The following PTPRZ1 variants were observed in gnomAD, a reference collection of about 807,000 sequenced individuals.
PTPRZ1 encodes the protein protein tyrosine phosphatase receptor type Z1.
PTPRZ1 carries 82 observed loss-of-function variants against 214.1 expected under a neutral mutation model. That is an observed-to-expected ratio of 0.38 (90% confidence interval 0.32 to 0.46). The LOEUF (loss-of-function observed/expected upper bound fraction) is 0.46, where lower values mean the gene tolerates loss of function less well. Ranked by LOEUF, PTPRZ1 falls within the 20% of genes least tolerant of loss-of-function variation. PTPRZ1 has a pLI of 1.00. For synonymous variants in PTPRZ1, 945 were observed against 987.9 expected (o/e 0.96, Z 0.81); for missense variants, 2,603 against 2,748.7 (o/e 0.95, Z 1.19).
intron 2 of PTPRZ1, among the ~76,000 whole-genome samples, chr7:121,929,695 C>A (rs1373510131): frequency 6.6e-6 from 1 of 151,720 alleles, no homozygotes; most frequent in African/African-American, 2.4e-5. Context: ...CTAATCCCAG[C>A]TACTTAGGAG....
intron 3 of PTPRZ1, among the ~76,000 whole-genome samples, chr7:121,969,802 T>G (rs1797174482): frequency 6.6e-6 from 1 of 151,738 alleles, no homozygotes; most frequent in Admixed American, 6.6e-5. Flanking sequence ...ATTCTTTTTA[T>G]ATATATATTT....
At chr7:121,876,483 A>C (rs890914991) in intron 1 of PTPRZ1, among the ~76,000 whole-genome samples, 1 of 152,194 alleles carries the variant, frequency 6.6e-6, no homozygotes, top group African/African-American at 2.4e-5. Context: ...TTTAAGAGCC[A>C]CATTAACAAT....
At chr7:121,961,611 G>A (rs374348140) in intron 2 of PTPRZ1, among the ~76,000 whole-genome samples, 1 of 152,144 alleles carries the variant, frequency 6.6e-6, no homozygotes, top group Admixed American at 6.5e-5. Flanking sequence ...TATCCCCTGC[G>A]GAGCCTAGAA....
chr7:121,888,805 CAG>C (rs1237231453), intron 1 of PTPRZ1, among the ~76,000 whole-genome samples: 7 of 152,040 alleles, frequency 4.6e-5, no homozygotes, highest in Non-Finnish European at 2.9e-5. Context: ...CACTAAAAAA[CAG>C]ACTACTTGTT....
At chr7:121,885,424 A>G (rs754428247) in intron 1 of PTPRZ1, among the ~76,000 whole-genome samples, 21 of 152,308 alleles carry the variant, frequency 1.4e-4, no homozygotes, top group Non-Finnish European at 2.2e-4. Context: ...TGAAAGAAGC[A>G]TAAAGCGTGA....
intron 12 of PTPRZ1, among the ~76,000 whole-genome samples, chr7:122,018,682 A>G (rs1222471832): frequency 1.3e-5 from 2 of 152,192 alleles, no homozygotes; most frequent in Non-Finnish European, 2.9e-5. Flanking sequence ...ATTGCTTCTA[A>G]CTATTTACCT....
chr7:121,995,292 C>T (rs1442209179), intron 8 of PTPRZ1, among the ~76,000 whole-genome samples: 1 of 152,136 alleles, frequency 6.6e-6, no homozygotes, highest in Admixed American at 6.5e-5. Context: ...ACTGCATGCT[C>T]TCATTGAGTG....
chr7:121,882,596 T>C (rs1022815308), intron 1 of PTPRZ1, among the ~76,000 whole-genome samples: 2 of 152,186 alleles, frequency 1.3e-5, no homozygotes, highest in African/African-American at 4.8e-5. Context: ...AGTTTTGTGT[T>C]TGAAATCTAC....
chr7:121,883,988 T>C (rs1040322049), intron 1 of PTPRZ1, among the ~76,000 whole-genome samples: 7 of 152,306 alleles, frequency 4.6e-5, no homozygotes, highest in African/African-American at 1.7e-4. Context: ...TTAAGATACA[T>C]TAAGATACAT....
At chr7:121,876,817 A>G (rs530437338) in intron 1 of PTPRZ1, among the ~76,000 whole-genome samples, 84 of 152,292 alleles carry the variant, frequency 5.5e-4, no homozygotes, top group African/African-American at 1.9e-3. Context: ...TCATGTCTGC[A>G]CTAGAGATTC....
chr7:122,003,174 T>G (rs1270914645), intron 10 of PTPRZ1, among the ~76,000 whole-genome samples: 1 of 152,130 alleles, frequency 6.6e-6, no homozygotes, highest in East Asian at 1.9e-4. Context: ...GAGGAAAGGA[T>G]TTCATAGGAA....
chr7:121,965,110 G>A (rs1432977428), intron 2 of PTPRZ1, among the ~76,000 whole-genome samples: 1 of 152,150 alleles, frequency 6.6e-6, no homozygotes, highest in Admixed American at 6.5e-5. Context: ...TTCTTTTGCT[G>A]CATAACAAAT....
Position 121,983,955 on chromosome 7 carries a change from T to C in PTPRZ1, c.778-12T>C, listed in dbSNP as rs752995071. ...GAAGCAGATATGTTAAATTATTTGA[T>C]CTTTTTTTCAGTTGGCTGTTTTTTG... On this transcript the variant is annotated splice_polypyrimidine_tract_variant and intron_variant, in intron 7 of 29. Coordinates refer to ENST00000393386, the MANE Select transcript of PTPRZ1 (RefSeq NM_002851.3). 7 of 1,609,378 alleles carry C rather than the reference T, an allele frequency of 4.3e-6. No individual in the cohort carries two copies. The East Asian group carries it at 1.6e-4, about 36-fold the overall frequency.
chr7:122,041,006 C>A (rs2150478986), intron 21 of PTPRZ1, 27 bp downstream of exon 21: 1 of 1,442,982 alleles, frequency 6.9e-7, no homozygotes, highest in South Asian at 1.6e-5. Flanking sequence ...TGCCTCTAAA[C>A]CCATAGAATT....
intron 1 of PTPRZ1, among the ~76,000 whole-genome samples, chr7:121,905,345 A>G (rs1795084116): frequency 6.6e-6 from 1 of 152,092 alleles, no homozygotes; most frequent in African/African-American, 2.4e-5. Context: ...ACCTCTCCCT[A>G]GGCCTTATGA....
intron 1 of PTPRZ1, among the ~76,000 whole-genome samples, chr7:121,875,265 C>T (rs1169122529): frequency 2.6e-5 from 4 of 152,138 alleles, no homozygotes; most frequent in Admixed American, 1.3e-4. Flanking sequence ...TATAAATTTG[C>T]CTATCCTGGA....
At chr7:121,960,284 G>C (rs557854614) in intron 2 of PTPRZ1, among the ~76,000 whole-genome samples, 2 of 152,238 alleles carry the variant, frequency 1.3e-5, no homozygotes, top group Admixed American at 6.5e-5. Context: ...CAGGTGATCT[G>C]CCCATCTTGG....
intron 2 of PTPRZ1, among the ~76,000 whole-genome samples, chr7:121,965,753 A>G (rs989241440): frequency 6.6e-6 from 1 of 152,174 alleles, no homozygotes; most frequent in Non-Finnish European, 1.5e-5. Context: ...AATTCCACTT[A>G]CTACATAGGT....
At chr7:121,874,039 G>GACACACACACACACACACACACACAC (rs10640393) in intron 1 of PTPRZ1, among the ~76,000 whole-genome samples, 4 of 147,820 alleles carry the variant, frequency 2.7e-5, no homozygotes, top group African/African-American at 1.0e-4. Flanking sequence ...GTGAATTGCA[G>GACACACACACACACACACACACACAC]ACACACACAC....
Sources: gnomAD v4.1 joint callset for allele counts (sites outside exome capture counted in the v4.1 genomes callset) on GRCh38, gnomAD v4.1.1 for gene constraint, MANE v1.5 for transcripts, NCBI Gene and HGNC (gene_info 2026-07-23, HGNC 2026-07-21) for gene names.